Variants in MTUS2 observed in about 807,000 individuals in gnomAD.
MTUS2 encodes the protein microtubule associated scaffold protein 2.
A neutral mutation model predicts 114.1 loss-of-function variants in MTUS2; 40 were observed. That is an observed-to-expected ratio of 0.35 (90% CI 0.27 to 0.46). The LOEUF (loss-of-function observed/expected upper bound fraction) is 0.46, where lower values mean the gene tolerates loss of function less well. Ranked by LOEUF, MTUS2 falls within the 20% of genes least tolerant of loss-of-function variation. MTUS2 has a pLI of 1.00. For synonymous variants in MTUS2, 688 were observed against 672.0 expected, an observed-to-expected ratio of 1.02 and a Z score of -0.37; for missense variants, 1,679 against 1,705.4, an observed-to-expected ratio of 0.98 and a Z score of 0.27.
intron 5 of MTUS2, among the ~76,000 whole-genome samples, chr13:29,277,994 G>T (rs1898128873): frequency 6.6e-6 from 1 of 152,136 alleles, no homozygotes; most frequent in Admixed American, 6.5e-5. Flanking sequence ...GGTTGTTTAT[G>T]GGTCTGCCCC....
chr13:29,273,493 AGGAACT>A (rs1897951972), intron 5 of MTUS2, among the ~76,000 whole-genome samples: 1 of 152,200 alleles, frequency 6.6e-6, no homozygotes. Flanking sequence ...TCACAATTTA[AGGAACT>A]TGTTCCAGCC....
intron 5 of MTUS2, among the ~76,000 whole-genome samples, chr13:29,194,570 G>A (rs1310694425): frequency 2.0e-5 from 3 of 151,936 alleles, no homozygotes; most frequent in Admixed American, 6.5e-5. Flanking sequence ...AGTTAGAATG[G>A]CAATCATTAA....
At chr13:28,882,877 G>A (rs989638077) in intron 2 of MTUS2, among the ~76,000 whole-genome samples, 1 of 152,264 alleles carries the variant, frequency 6.6e-6, no homozygotes, top group Non-Finnish European at 1.5e-5. Flanking sequence ...GCTACAGACT[G>A]GAAGAAAATG....
At chr13:29,180,261 C>T (rs902761347) in intron 5 of MTUS2, among the ~76,000 whole-genome samples, 9 of 152,124 alleles carry the variant, frequency 5.9e-5, no homozygotes, top group African/African-American at 2.2e-4. Flanking sequence ...TTCCATGAAA[C>T]ATGCAATTGA....
At chr13:29,447,739 G>A (rs1247449283) in intron 9 of MTUS2, among the ~76,000 whole-genome samples, 3 of 151,904 alleles carry the variant, frequency 2.0e-5, no homozygotes, top group East Asian at 1.9e-4. Flanking sequence ...TCCCCAGGTG[G>A]TGGTGGTTGT....
At chr13:28,881,655 TTAA>T (rs1878297862) in intron 2 of MTUS2, among the ~76,000 whole-genome samples, 1 of 152,236 alleles carries the variant, frequency 6.6e-6, no homozygotes, top group Non-Finnish European at 1.5e-5. Context: ...TTTTATCTTT[TTAA>T]TAATAGCCAT....
At chr13:29,064,187 T>A (rs2138659503) in intron 4 of MTUS2, among the ~76,000 whole-genome samples, 1 of 152,248 alleles carries the variant, frequency 6.6e-6, no homozygotes, top group East Asian at 1.9e-4. Flanking sequence ...CCTGGAATAA[T>A]TTATTAGATG....
rs375769908 is a variant in MTUS2 at position 29,025,870 on chromosome 13, C to T, written c.1172C>T (p.Ser391Phe). 272 of 1,613,128 alleles carry T rather than the reference C, an allele frequency of 1.7e-4. No individual in the cohort carries two copies. The highest frequency in any genetic ancestry group is 2.2e-4 in the Non-Finnish European group (263 of 1,179,522). Reference sequence around the variant, plus strand: ...GGAGTCAACCCAGGGGAGCAGGATTCTCTCCACACCACCCCCAAACAGGGC... The same window carrying T: ...GGAGTCAACCCAGGGGAGCAGGATTTTCTCCACACCACCCCCAAACAGGGC... ...KRGVNPGEQD[S>F]LHTTPKQGSA... is the part of the protein sequence containing the mutation. The change falls in exon 3 of 16, where the codon TCT becomes TTT. Residue 391 changes from serine (S) to phenylalanine (F), a missense_variant. Ser to Phe is a radical substitution (Grantham distance 155). Around this residue, in one of 3 missense-constraint regions of MTUS2, gnomAD observed 843 missense variants for 770.8 expected, o/e 1.09. Coordinates refer to ENST00000612955, the MANE Select transcript of MTUS2 (RefSeq NM_001033602.4).
At chr13:29,203,396 C>G (rs1271890323) in intron 5 of MTUS2, among the ~76,000 whole-genome samples, 2 of 152,180 alleles carry the variant, frequency 1.3e-5, no homozygotes, top group Non-Finnish European at 1.5e-5. Flanking sequence ...TGACTTCAGA[C>G]TGCTGTGCTG....
intron 2 of MTUS2, among the ~76,000 whole-genome samples, chr13:28,857,834 C>A (rs1876732172): frequency 6.6e-6 from 1 of 152,240 alleles, no homozygotes; most frequent in African/African-American, 2.4e-5. Flanking sequence ...CATTACCCAT[C>A]ATCATCTATC....
At chr13:29,415,308 A>G (rs1346978263) in intron 8 of MTUS2, among the ~76,000 whole-genome samples, 1 of 152,170 alleles carries the variant, frequency 6.6e-6, no homozygotes, top group Non-Finnish European at 1.5e-5. Context: ...ATAATGGATT[A>G]TGTTGAGGGT....
intron 5 of MTUS2, among the ~76,000 whole-genome samples, chr13:29,207,958 A>T (rs1566066712): frequency 1.3e-5 from 2 of 151,846 alleles, no homozygotes; most frequent in African/African-American, 4.8e-5. Flanking sequence ...TTTAGGGAGG[A>T]TTCCCTCTTT....
At chr13:29,128,404 G>A (rs1003260142) in intron 5 of MTUS2, among the ~76,000 whole-genome samples, 1 of 152,202 alleles carries the variant, frequency 6.6e-6, no homozygotes. Flanking sequence ...AGATGATGCA[G>A]AGGGACTCAG....
rs562427641 is a variant in MTUS2, at chr13:28,943,507, A to G, written c.-242-80950A>G. The stretch of plus-strand genomic sequence containing the variant: ...AATGTGGCTAGGGGTGACATGTTAG[A>G]CTGCACGTTTACAGAACATTTCCAT... On this transcript the variant is annotated intron_variant, in intron 2 of 15. Coordinates refer to ENST00000612955, the MANE Select transcript of MTUS2 (RefSeq NM_001033602.4). 8.5e-4 allele frequency among the ~76,000 whole-genome samples: 130 copies of G among 152,288 alleles called. 2 individuals are homozygous for G. In the South Asian group the frequency reaches 0.026, roughly 31 times the overall value.
rs1284392684 is a variant in MTUS2, at chr13:28,955,267, A to G, written c.-242-69190A>G. On this transcript the variant is annotated intron_variant, in intron 2 of 15. Coordinates refer to ENST00000612955, the MANE Select transcript of MTUS2 (RefSeq NM_001033602.4). ...CGTAATGCAGCTTGCATTATGGTTA[A>G]TGCACCCCATGCATAATTGAACTGA... Among the ~76,000 whole-genome samples, 3 of 152,330 alleles carry G rather than the reference A, an allele frequency of 2.0e-5. No homozygotes were observed. In the East Asian group the frequency reaches 5.8e-4, roughly 29 times the overall value.
chr13:28,864,524 AAC>A (rs1164894794), intron 2 of MTUS2, among the ~76,000 whole-genome samples: 1 of 152,220 alleles, frequency 6.6e-6, no homozygotes, highest in Non-Finnish European at 1.5e-5. Flanking sequence ...CAGAAGTTAA[AAC>A]ACATTAAATT....
intron 6 of MTUS2, among the ~76,000 whole-genome samples, chr13:29,296,578 A>T (rs1248596218): frequency 6.6e-6 from 1 of 152,040 alleles, no homozygotes; most frequent in African/African-American, 2.4e-5. Flanking sequence ...AGTGTGTAAA[A>T]GTTCCTCATT....
At chr13:29,162,435 G>A (rs897386506) in intron 5 of MTUS2, among the ~76,000 whole-genome samples, 30 of 152,030 alleles carry the variant, frequency 2.0e-4, no homozygotes, top group African/African-American at 7.2e-4. Context: ...CTGATGCTTT[G>A]TCTAGCAAAG....
chr13:29,175,538 A>G (rs868282965), intron 5 of MTUS2, among the ~76,000 whole-genome samples: 5 of 150,800 alleles, frequency 3.3e-5, no homozygotes, highest in African/African-American at 1.2e-4. Flanking sequence ...GATATCTGTC[A>G]TTACTGCTTT....
Sources: gnomAD v4.1 joint callset for allele counts (sites outside exome capture counted in the v4.1 genomes callset) on GRCh38, gnomAD v4.1.1 for gene constraint, gnomAD v4.1.1 regional missense constraint, MANE v1.5 for transcripts, NCBI Gene and HGNC (gene_info 2026-07-23, HGNC 2026-07-21) for gene names.